Variants in PCDHAC2 observed in about 807,000 individuals in gnomAD.
PCDHAC2 encodes protocadherin alpha-C2.
A neutral mutation model predicts 63.3 loss-of-function variants in PCDHAC2; 24 were observed. That is an observed-to-expected ratio of 0.38 (90% CI 0.27 to 0.53). PCDHAC2 has a LOEUF of 0.53. Among genes scored for constraint, PCDHAC2 ranks in the 20% least tolerant of loss-of-function variants. The pLI is 0.81. For synonymous variants in PCDHAC2, 569 were observed against 529.4 expected (o/e 1.07, Z -1.03); for missense variants, 1,181 against 1,275.2 (o/e 0.93, Z 1.12).
chr5:140,967,618 G>T lies in PCDHAC2; in HGVS notation c.852G>T (p.Pro284=). Residue 284 remains proline (P), a synonymous_variant, in exon 1 of 4, where the codon CCG becomes CCT. Coordinates refer to ENST00000289269, the MANE Select transcript of PCDHAC2 (RefSeq NM_018899.6). ...TGGTGAAGCTGAATGCCTCAGACCC[G>T]GATGAGGGCTCCAATGGTGAGCTCA... is the stretch of plus-strand genomic sequence containing the variant. ...TLVVKLNASD[P]DEGSNGELRY... 1.9e-6 allele frequency: 3 copies of T among 1,614,174 alleles called. No homozygotes were observed. The highest frequency in any genetic ancestry group is 2.5e-6 in the Non-Finnish European group (3 of 1,180,034).
Position 140,968,027 on chromosome 5 carries a change from C to G in PCDHAC2, c.1261C>G (p.Leu421Val). 2 of 1,614,200 alleles carry G rather than the reference C, an allele frequency of 1.2e-6. No individual in the cohort carries two copies. The highest frequency in any genetic ancestry group is 1.6e-4 in the Middle Eastern group (1 of 6,062). The change falls in exon 1 of 4, where the codon CTG becomes GTG. Residue 421 changes from leucine to valine, a missense_variant. This residue lies in a region of PCDHAC2 where 968 missense variants were observed against 1,073.5 expected (regional missense o/e 0.90). Transcript: ENST00000289269. ...RLNGFGNSYT[L>V]VVSGPLDRER... Reference sequence around the variant, plus strand: ...GAATGGCTTTGGAAACTCCTATACACTGGTGGTGAGCGGCCCACTGGACCG... The same window carrying G: ...GAATGGCTTTGGAAACTCCTATACAGTGGTGGTGAGCGGCCCACTGGACCG...
intron 3 of PCDHAC2, among the ~76,000 whole-genome samples, chr5:140,995,774 G>A (rs2097697505): frequency 1.3e-5 from 2 of 151,968 alleles, no homozygotes; most frequent in Admixed American, 1.3e-4. Context: ...GAGAGTGAAG[G>A]GCAGGTTTAA....
Position 140,967,748 on chromosome 5 carries a change from G to T in PCDHAC2, c.982G>T (p.Ala328Ser). The change falls in exon 1 of 4, where the codon GCC becomes TCC. Residue 328 changes from alanine to serine, a missense_variant. Transcript: ENST00000289269. ...RVIGGLDYEE[A>S]SSYQIYVQAT... ...AATTGGGGGGCTGGATTATGAGGAA[G>T]CCTCCTCCTACCAGATCTATGTGCA... 1 of 1,614,204 alleles carries T rather than the reference G, an allele frequency of 6.2e-7. No individual in the cohort carries two copies. The highest frequency in any genetic ancestry group is 8.5e-7 in the Non-Finnish European group (1 of 1,180,040).
chr5:140,997,668 T>TGTGTG (rs2097778571), intron 3 of PCDHAC2, among the ~76,000 whole-genome samples: 1 of 148,244 alleles, frequency 6.7e-6, no homozygotes, highest in African/African-American at 2.5e-5. Flanking sequence ...ATTATACAGC[T>TGTGTG]TGTGTGTGTG....
chr5:140,967,306 C>A lies in PCDHAC2; in HGVS notation c.540C>A (p.Asn180Lys), dbSNP rs1554229415. The change falls in exon 1 of 4, where the codon AAC (asparagine) becomes AAA (lysine). Residue 180 changes from asparagine to lysine, a missense_variant. Physicochemically the swap from Asn to Lys is moderately conservative, Grantham distance 94. Around this residue, in one of 3 missense-constraint regions of PCDHAC2, gnomAD observed 968 missense variants for 1,073.5 expected, o/e 0.90. Transcript: ENST00000289269. ...CGCAGGACCCCGACGTGGGCGCCAACTCAGTACAGACCTACGAGCTCAGCC... is the reference window on the plus strand; with the variant it reads ...CGCAGGACCCCGACGTGGGCGCCAAATCAGTACAGACCTACGAGCTCAGCC... The part of the protein sequence containing the change: ...ESAQDPDVGA[N>K]SVQTYELSPS... The A allele has an allele frequency of 1.2e-6, 2 of 1,612,350 alleles. No homozygotes were observed. The highest frequency in any genetic ancestry group is 1.7e-6 in the Non-Finnish European group (2 of 1,179,200).
chr5:140,972,260 C>T (rs155805), intron 1 of PCDHAC2, among the ~76,000 whole-genome samples: 8,116 of 151,624 alleles, frequency 0.054, 294 homozygotes, highest in Middle Eastern at 0.15. Flanking sequence ...ACACATCAGC[C>T]TCCTGAGTAG....
rs2098422174 is a variant in PCDHAC2 at position 141,011,893 on chromosome 5, T to G, written c.*1956T>G. On this transcript the variant is annotated 3_prime_UTR_variant, in exon 4 of 4. Coordinates refer to ENST00000289269, the MANE Select transcript of PCDHAC2 (RefSeq NM_018899.6). ...CAATTTAGAAGTTTGATTAATTATATTATCTATTTAGGCATTAATATAAAA... is the reference window on the plus strand; with the variant it reads ...CAATTTAGAAGTTTGATTAATTATAGTATCTATTTAGGCATTAATATAAAA... The G allele has an allele frequency of 6.5e-6, 1 of 153,362 alleles. No individual in the cohort carries two copies. Among genetic ancestry groups the G allele is most frequent in the Admixed American group, 6.5e-5 (1 of 15,272 alleles). 9.5% of individuals were successfully genotyped at this position (153,362 alleles called of 1,614,324 possible). A position where few individuals can be genotyped will look rare whatever the true frequency, so the allele number is the denominator to read the frequency against.
At chr5:140,977,306 C>G (rs995052680) in intron 1 of PCDHAC2, among the ~76,000 whole-genome samples, 22 of 152,268 alleles carry the variant, frequency 1.4e-4, no homozygotes, top group African/African-American at 4.8e-4. Context: ...GACAAGCTAA[C>G]GATAGTGCTC....
In PCDHAC2 at chr5:140,969,073, G is replaced by A. The variant is rs781937942; in HGVS notation, c.2307G>A (p.Pro769=). Residue 769 remains proline (P), a synonymous_variant, in exon 1 of 4, where the codon CCG becomes CCA. Transcript: ENST00000289269. ...ACAACAATATTGATGCCAGGATACC[G>A]CATGGCCTCAAAGTGCAGCCTCACT... ...QANNNIDARI[P]HGLKVQPHFI... 23 of 1,613,974 alleles carry A rather than the reference G, an allele frequency of 1.4e-5. No homozygotes were observed. Among genetic ancestry groups the A allele is most frequent in the South Asian group, 5.5e-5 (5 of 91,080 alleles).
chr5:140,984,981 A>G (rs2097130201), intron 3 of PCDHAC2, among the ~76,000 whole-genome samples: 1 of 151,972 alleles, frequency 6.6e-6, no homozygotes, highest in South Asian at 2.1e-4. Flanking sequence ...TCTGTCCCCC[A>G]GGCTGGAGTC....
At chr5:140,969,761 T>C (rs886878870) in intron 1 of PCDHAC2, among the ~76,000 whole-genome samples, 1 of 152,234 alleles carries the variant, frequency 6.6e-6, no homozygotes, top group African/African-American at 2.4e-5. Flanking sequence ...TAAAAAGCTC[T>C]GAGGCCTCTA....
Position 140,968,991 on chromosome 5 carries a change from G to A in PCDHAC2, c.2225G>A (p.Cys742Tyr). Residue 742 changes from cysteine to tyrosine, a missense_variant, in exon 1 of 4, where the codon TGT becomes TAT. Around this residue, in one of 3 missense-constraint regions of PCDHAC2, gnomAD observed 968 missense variants for 1,073.5 expected, o/e 0.90. Transcript: ENST00000289269. ...TACACTGCGTATGGCACTGCATGCT[G>A]TGGAGGCTTCTGTGGAGTAAGGGAA... ...YRYTAYGTAC[C>Y]GGFCGVRERS... The A allele has an allele frequency of 6.2e-7, 1 of 1,614,208 alleles. No individual in the cohort carries two copies. Among genetic ancestry groups the A allele is most frequent in the East Asian group, 2.2e-5 (1 of 44,890 alleles).
chr5:141,000,616 C>A (rs1227863226), intron 3 of PCDHAC2, among the ~76,000 whole-genome samples: 1 of 150,774 alleles, frequency 6.6e-6, no homozygotes, highest in African/African-American at 2.4e-5. Context: ...TTAGTAGAGA[C>A]AGGGTTTCAC....
rs2096321775 is a variant in PCDHAC2, at chr5:140,969,343, G to A, written c.2565+12G>A. ...TTTCTCAAAATGAGGTGAGACAGTG[G>A]TCAGGGGGTCTTCTACAAACTCATG... On this transcript the variant is annotated intron_variant, in intron 1 of 3. Coordinates refer to ENST00000289269, the MANE Select transcript of PCDHAC2 (RefSeq NM_018899.6). The A allele has an allele frequency of 1.4e-5, 23 of 1,613,728 alleles. No individual in the cohort carries two copies. The highest frequency in any genetic ancestry group is 1.9e-5 in the Non-Finnish European group (22 of 1,179,860).
chr5:140,978,865 A>G, intron 1 of PCDHAC2, 84 bp from the exon 2 acceptor site: 1 of 1,602,026 alleles, frequency 6.2e-7, no homozygotes, highest in South Asian at 1.1e-5. Flanking sequence ...GAAATATTTA[A>G]GGGAGTAACT....
At chr5:141,007,980 A>G (rs533342900) in intron 3 of PCDHAC2, among the ~76,000 whole-genome samples, 1 of 152,338 alleles carries the variant, frequency 6.6e-6, no homozygotes, top group East Asian at 1.9e-4. Context: ...TGTCATGTAT[A>G]TATGAAATGT....
At chr5:140,993,831 T>C (rs2097584101) in intron 3 of PCDHAC2, among the ~76,000 whole-genome samples, 1 of 152,190 alleles carries the variant, frequency 6.6e-6, no homozygotes, top group South Asian at 2.1e-4. Flanking sequence ...CTATACCATA[T>C]AGCCTAGGTA....
chr5:140,986,246 C>T (rs561365390), intron 3 of PCDHAC2, among the ~76,000 whole-genome samples: 1 of 152,178 alleles, frequency 6.6e-6, no homozygotes, highest in African/African-American at 2.4e-5. Flanking sequence ...TGAGCAGACC[C>T]GGACCACAGG....
chr5:140,986,154 A>G (rs2097188970), intron 3 of PCDHAC2, among the ~76,000 whole-genome samples: 1 of 152,182 alleles, frequency 6.6e-6, no homozygotes, highest in Non-Finnish European at 1.5e-5. Context: ...TCACCAAGTA[A>G]TGTTTTCTGC....
Sources: gnomAD v4.1 joint callset for allele counts (sites outside exome capture counted in the v4.1 genomes callset) on GRCh38, gnomAD v4.1.1 for gene constraint, gnomAD v4.1.1 regional missense constraint, MANE v1.5 for transcripts, NCBI Gene and HGNC (gene_info 2026-07-23, HGNC 2026-07-21) for gene names.